The following GUCY1A2 variants were observed in gnomAD, a reference collection of about 807,000 sequenced individuals.
GUCY1A2 encodes guanylate cyclase 1 soluble subunit alpha 2.
Under a neutral mutation model 63.5 loss-of-function variants are expected in GUCY1A2, and 27 were observed. The observed-to-expected ratio is 0.43, with a 90% confidence interval of 0.31 to 0.59. The LOEUF (loss-of-function observed/expected upper bound fraction) is 0.59, where lower values mean the gene tolerates loss of function less well. GUCY1A2 is among the 20% of genes least tolerant of loss of function. GUCY1A2 has a pLI of 0.11. For missense variants in GUCY1A2, 768 were observed against 913.3 expected (o/e 0.84, Z 2.05); for synonymous variants, 364 against 343.5 (o/e 1.06, Z -0.66).
At chr11:106,963,815 T>C (rs575896382) in intron 3 of GUCY1A2, among the ~76,000 whole-genome samples, 84 of 152,312 alleles carry the variant, frequency 5.5e-4, no homozygotes, top group African/African-American at 1.9e-3. Flanking sequence ...TTGTTTTTAA[T>C]TGGGGATACA....
At chr11:106,903,176 A>G (rs1473664807) in intron 4 of GUCY1A2, among the ~76,000 whole-genome samples, 1 of 152,108 alleles carries the variant, frequency 6.6e-6, no homozygotes, top group Admixed American at 6.6e-5. Context: ...TGCTAAATAA[A>G]TATTATCTAA....
At chr11:106,942,524 T>G (rs532998682) in intron 3 of GUCY1A2, among the ~76,000 whole-genome samples, 1 of 144,532 alleles carries the variant, frequency 6.9e-6, no homozygotes, top group Non-Finnish European at 1.6e-5. Flanking sequence ...TGACCATATA[T>G]GCTGAACTAC....
At chr11:106,872,506 A>G (rs1165637975) in intron 4 of GUCY1A2, among the ~76,000 whole-genome samples, 1 of 152,194 alleles carries the variant, frequency 6.6e-6, no homozygotes, top group East Asian at 1.9e-4. Flanking sequence ...AGACTAGAAG[A>G]TAAGGAACAG....
chr11:106,999,754 T>C (rs945123706), intron 1 of GUCY1A2, among the ~76,000 whole-genome samples: 2 of 152,202 alleles, frequency 1.3e-5, no homozygotes, highest in African/African-American at 4.8e-5. Flanking sequence ...AATTGTTAAT[T>C]TCTATCACTA....
intron 4 of GUCY1A2, among the ~76,000 whole-genome samples, chr11:106,818,679 C>T (rs1190345464): frequency 6.6e-6 from 1 of 152,084 alleles, no homozygotes; most frequent in Non-Finnish European, 1.5e-5. Flanking sequence ...GAAAACTACA[C>T]CTCTTAAGTC....
chr11:106,951,154 G>A (rs1016504907), intron 3 of GUCY1A2, among the ~76,000 whole-genome samples: 3 of 152,074 alleles, frequency 2.0e-5, no homozygotes, highest in Non-Finnish European at 4.4e-5. Context: ...ATGGACATTT[G>A]GGTTGGTTCC....
chr11:106,828,196 T>C (rs1859000744), intron 4 of GUCY1A2, among the ~76,000 whole-genome samples: 1 of 152,222 alleles, frequency 6.6e-6, no homozygotes, highest in Admixed American at 6.5e-5. Flanking sequence ...GCTTTTTAGT[T>C]TGATAAAGTC....
intron 6 of GUCY1A2, among the ~76,000 whole-genome samples, chr11:106,743,334 G>A (rs1161697573): frequency 1.3e-5 from 2 of 152,174 alleles, no homozygotes; most frequent in African/African-American, 2.4e-5. Flanking sequence ...TAACAAAAAT[G>A]TGGGGCTTCT....
intron 6 of GUCY1A2, among the ~76,000 whole-genome samples, chr11:106,753,066 G>A (rs542645675): frequency 6.6e-6 from 1 of 152,204 alleles, no homozygotes; most frequent in South Asian, 2.1e-4. Flanking sequence ...AGGCATGAGG[G>A]CATGAGATAG....
intron 4 of GUCY1A2, among the ~76,000 whole-genome samples, chr11:106,931,411 T>C (rs1327324216): frequency 1.3e-5 from 2 of 152,164 alleles, no homozygotes; most frequent in Non-Finnish European, 2.9e-5. Flanking sequence ...AAATGGGAAA[T>C]GGCATAAGCT....
intron 5 of GUCY1A2, among the ~76,000 whole-genome samples, chr11:106,788,863 CTA>C (rs1439401578): frequency 6.6e-6 from 1 of 151,998 alleles, no homozygotes; most frequent in South Asian, 2.1e-4. Context: ...TCTTTTTGCT[CTA>C]TAGTTTTAGC....
At chr11:106,754,796 G>A (rs1421210332) in intron 6 of GUCY1A2, among the ~76,000 whole-genome samples, 1 of 152,142 alleles carries the variant, frequency 6.6e-6, no homozygotes, top group African/African-American at 2.4e-5. Context: ...TGTTCATCAG[G>A]GATATTGGCC....
intron 6 of GUCY1A2, among the ~76,000 whole-genome samples, chr11:106,738,480 G>T (rs933864472): frequency 2.0e-5 from 3 of 152,162 alleles, no homozygotes; most frequent in Non-Finnish European, 4.4e-5. Context: ...CCTATGTCCT[G>T]AAGGGTATTG....
At chr11:106,732,006 T>A (rs1275312209) in intron 6 of GUCY1A2, among the ~76,000 whole-genome samples, 2 of 152,284 alleles carry the variant, frequency 1.3e-5, no homozygotes, top group East Asian at 1.9e-4. Context: ...GCTATTCCTA[T>A]CAAACTACCA....
At chr11:106,937,282 CTTA>C (rs1244248620) in intron 4 of GUCY1A2, among the ~76,000 whole-genome samples, 8 of 152,120 alleles carry the variant, frequency 5.3e-5, no homozygotes, top group African/African-American at 1.9e-4. Flanking sequence ...AGCACAGTTC[CTTA>C]TTATTGGAAT....
intron 1 of GUCY1A2, among the ~76,000 whole-genome samples, chr11:106,997,959 G>A (rs1326085962): frequency 6.6e-6 from 1 of 151,968 alleles, no homozygotes; most frequent in African/African-American, 2.4e-5. Context: ...CAGTCCTGAG[G>A]TGGGGAAAAC....
intron 1 of GUCY1A2, among the ~76,000 whole-genome samples, chr11:106,992,425 G>A (rs563182382): frequency 1.3e-5 from 2 of 150,778 alleles, no homozygotes; most frequent in African/African-American, 4.9e-5. Context: ...CACCTCCCGG[G>A]TTCAAGCGAT....
chr11:107,011,709 C>T (rs1439767636), intron 1 of GUCY1A2, among the ~76,000 whole-genome samples: 1 of 146,786 alleles, frequency 6.8e-6, no homozygotes, highest in Non-Finnish European at 1.5e-5. Flanking sequence ...TTCTCATTGA[C>T]AAAATGTAAC....
At chr11:106,828,650 T>C (rs1057379827) in intron 4 of GUCY1A2, among the ~76,000 whole-genome samples, 1 of 152,172 alleles carries the variant, frequency 6.6e-6, no homozygotes, top group Non-Finnish European at 1.5e-5. Flanking sequence ...AAAGAAGGCA[T>C]GGAGAGGAAG....
Sources: gnomAD v4.1 joint callset for allele counts (sites outside exome capture counted in the v4.1 genomes callset) on GRCh38, gnomAD v4.1.1 for gene constraint, MANE v1.5 for transcripts, NCBI Gene and HGNC (gene_info 2026-07-23, HGNC 2026-07-21) for gene names.